TMEM108: variants seen among roughly 807,000 people sequenced by gnomAD.
TMEM108 encodes the protein transmembrane protein 108.
TMEM108 carries 12 observed loss-of-function variants against 35.1 expected under a neutral mutation model. The ratio of observed to expected loss-of-function variants is 0.34; its 90% CI spans 0.22 to 0.55. The LOEUF (loss-of-function observed/expected upper bound fraction) is 0.55, where lower values mean the gene tolerates loss of function less well. TMEM108 is among the 20% of genes least tolerant of loss of function. The pLI is 0.89. For missense variants in TMEM108, 680 were observed against 753.3 expected, an observed-to-expected ratio of 0.90 and a Z score of 1.14; for synonymous variants, 287 against 308.6, an observed-to-expected ratio of 0.93 and a Z score of 0.73.
chr3:133,378,644 C>T (rs950633565), intron 3 of TMEM108: 2 of 605,996 alleles, frequency 3.3e-6, no homozygotes, highest in Non-Finnish European at 4.1e-6. Flanking sequence ...ACGGCTCCTA[C>T]ATGTCATGCT....
intron 2 of TMEM108, among the ~76,000 whole-genome samples, chr3:133,113,274 C>T (rs1251207610): frequency 6.6e-6 from 1 of 152,130 alleles, no homozygotes; most frequent in African/African-American, 2.4e-5. Flanking sequence ...CTGCAGTCAC[C>T]TAGTATTTCT....
chr3:133,146,072 G>A (rs1944715297), intron 2 of TMEM108, among the ~76,000 whole-genome samples: 1 of 152,080 alleles, frequency 6.6e-6, no homozygotes, highest in Non-Finnish European at 1.5e-5. Context: ...TTCCAACTTT[G>A]GCCCATTCAG....
Position 133,378,350 on chromosome 3 carries a change from C to T in TMEM108, c.41-1402C>T, listed in dbSNP as rs1020736962. 6.1e-6 allele frequency: 6 copies of T among 985,414 alleles called. No homozygotes were observed. The African/African-American group carries it at 8.7e-5, about 14-fold the overall frequency. The allele number at this position is 985,414 out of a possible 1,614,324, so 61.0% of individuals were successfully genotyped here. The stretch of plus-strand genomic sequence containing the variant: ...TCTCTGCTTCTCGCCAGGGCCCTGC[C>T]TTCTCCATCAGACACCTGGGAATCA... On this transcript the variant is annotated intron_variant, in intron 3 of 5. Coordinates refer to ENST00000321871, the MANE Select transcript of TMEM108 (RefSeq NM_023943.4).
chr3:133,359,278 A>G (rs1006777009), intron 3 of TMEM108, among the ~76,000 whole-genome samples: 17 of 152,210 alleles, frequency 1.1e-4, no homozygotes, highest in African/African-American at 4.1e-4. Flanking sequence ...TTTTAATTCC[A>G]GGACTTCTTA....
chr3:133,064,934 C>G (rs994284860), intron 2 of TMEM108, among the ~76,000 whole-genome samples: 4 of 152,148 alleles, frequency 2.6e-5, no homozygotes, highest in Admixed American at 1.3e-4. Context: ...GATACTTCCT[C>G]TCCTCTGTGA....
At chr3:133,139,227 G>A (rs1944607713) in intron 2 of TMEM108, among the ~76,000 whole-genome samples, 1 of 152,156 alleles carries the variant, frequency 6.6e-6, no homozygotes, top group African/African-American at 2.4e-5. Context: ...AAACATACAT[G>A]TGCATGTGTC....
chr3:133,115,975 G>T (rs893906774), intron 2 of TMEM108, among the ~76,000 whole-genome samples: 3 of 152,132 alleles, frequency 2.0e-5, no homozygotes, highest in Admixed American at 1.3e-4. Context: ...TATTTTTAAA[G>T]CAATACATGT....
intron 2 of TMEM108, among the ~76,000 whole-genome samples, chr3:133,051,556 C>G (rs1175402893): frequency 1.3e-5 from 2 of 151,990 alleles, no homozygotes; most frequent in Non-Finnish European, 2.9e-5. Context: ...ATGGATCATG[C>G]CTTTTGTGTT....
chr3:133,218,603 T>C (rs969169088), intron 2 of TMEM108, among the ~76,000 whole-genome samples: 1 of 152,086 alleles, frequency 6.6e-6, no homozygotes, highest in Non-Finnish European at 1.5e-5. Flanking sequence ...GTTTTTATTA[T>C]CATGTTAGGA....
At chr3:133,179,618 G>A (rs1385452603) in intron 2 of TMEM108, among the ~76,000 whole-genome samples, 2 of 151,590 alleles carry the variant, frequency 1.3e-5, no homozygotes, top group Non-Finnish European at 2.9e-5. Context: ...AGAACACATG[G>A]ACACAGGAAG....
chr3:133,386,286 G>A (rs1273784726), intron 4 of TMEM108: 2 of 970,752 alleles, frequency 2.1e-6, no homozygotes, highest in African/African-American at 1.6e-5. Context: ...ATCAAACAGT[G>A]ATGATTATTC....
At chr3:133,314,537 C>T (rs557956786) in intron 3 of TMEM108, among the ~76,000 whole-genome samples, 1 of 152,196 alleles carries the variant, frequency 6.6e-6, no homozygotes, top group Non-Finnish European at 1.5e-5. Context: ...TCATTAAGAA[C>T]CCTCATTCTC....
intron 3 of TMEM108, among the ~76,000 whole-genome samples, chr3:133,231,604 G>T (rs567078043): frequency 2.0e-5 from 3 of 152,092 alleles, no homozygotes; most frequent in Admixed American, 6.5e-5. Flanking sequence ...AGAATAATAC[G>T]CATGCCACAT....
rs550180243 is a variant in TMEM108, at chr3:133,050,400, C to T, written c.-47+4380C>T. On this transcript the variant is annotated intron_variant, in intron 2 of 5. Transcript: ENST00000321871. Reference sequence around the variant, plus strand: ...AATTGAGAGGAAGATACAGATTTCCCATATACCTCCTACTCCTCCTACTCC... The same window carrying T: ...AATTGAGAGGAAGATACAGATTTCCTATATACCTCCTACTCCTCCTACTCC... 7.9e-5 allele frequency among the ~76,000 whole-genome samples: 12 copies of T among 152,178 alleles called. No individual in the cohort carries two copies. In the South Asian group the frequency reaches 1.7e-3, roughly 21 times the overall value.
intron 2 of TMEM108, among the ~76,000 whole-genome samples, chr3:133,078,645 T>C (rs1399079087): frequency 6.6e-6 from 1 of 152,240 alleles, no homozygotes; most frequent in Non-Finnish European, 1.5e-5. Context: ...AAATACAACT[T>C]AGCAGGAAGT....
chr3:133,298,084 C>T (rs915384112), intron 3 of TMEM108, among the ~76,000 whole-genome samples: 5 of 152,194 alleles, frequency 3.3e-5, no homozygotes, highest in African/African-American at 9.7e-5. Context: ...AGCCACGCTA[C>T]TGGAGAGAAT....
At chr3:133,391,634 C>G (rs748744663) in intron 5 of TMEM108, among the ~76,000 whole-genome samples, 1 of 152,160 alleles carries the variant, frequency 6.6e-6, no homozygotes, top group African/African-American at 2.4e-5. Context: ...TGTTCCTTCA[C>G]AGCACCAGGT....
chr3:133,052,707 C>T (rs1943420087), intron 2 of TMEM108, among the ~76,000 whole-genome samples: 1 of 151,386 alleles, frequency 6.6e-6, no homozygotes, highest in African/African-American at 2.4e-5. Context: ...TTTTTTCTGC[C>T]CTAAATGTTG....
intron 3 of TMEM108, among the ~76,000 whole-genome samples, chr3:133,364,980 C>G (rs2072462941): frequency 6.6e-6 from 1 of 152,186 alleles, no homozygotes; most frequent in African/African-American, 2.4e-5. Flanking sequence ...ATAGTCTTCC[C>G]AAATTGAAGC....
Sources: allele counts gnomAD v4.1 joint callset (sites outside exome capture counted in the v4.1 genomes callset), GRCh38; gene constraint gnomAD v4.1.1; transcripts MANE v1.5; gene names NCBI Gene and HGNC (gene_info 2026-07-23, HGNC 2026-07-21).